The following SNAP91 variants were observed in gnomAD, a reference collection of about 807,000 sequenced individuals.
SNAP91 encodes the protein synaptosome associated protein 91, also known as clathrin coat assembly protein AP180.
Under a neutral mutation model 100.3 loss-of-function variants are expected in SNAP91, and 27 were observed. That is an observed-to-expected ratio of 0.27 (90% CI 0.20 to 0.37). The LOEUF is 0.37. Ranked by LOEUF, SNAP91 falls within the 10% of genes least tolerant of loss-of-function variation. The pLI, the probability that SNAP91 is intolerant of heterozygous loss-of-function variation, is 1.00. For synonymous variants in SNAP91, 404 were observed against 398.6 expected, an observed-to-expected ratio of 1.01 and a Z score of -0.16; for missense variants, 986 against 1,123.7, an observed-to-expected ratio of 0.88 and a Z score of 1.75.
intron 14 of SNAP91, among the ~76,000 whole-genome samples, chr6:83,602,689 C>T (rs1206071655): frequency 6.6e-6 from 1 of 152,038 alleles, no homozygotes; most frequent in East Asian, 1.9e-4. Flanking sequence ...TAGAGAATTT[C>T]TTTATTAGCA....
intron 2 of SNAP91, among the ~76,000 whole-genome samples, chr6:83,685,335 G>A (rs1197439418): frequency 1.3e-5 from 2 of 152,096 alleles, no homozygotes; most frequent in Non-Finnish European, 2.9e-5. Flanking sequence ...AGAAGTAGCA[G>A]GAACAATGCC....
chr6:83,666,311 G>A (rs1028872059), intron 2 of SNAP91, among the ~76,000 whole-genome samples: 1 of 152,084 alleles, frequency 6.6e-6, no homozygotes, highest in Non-Finnish European at 1.5e-5. Context: ...TGCTGTCAAA[G>A]AGTTAGCTGG....
chr6:83,682,532 T>C (rs1025937398), intron 2 of SNAP91, among the ~76,000 whole-genome samples: 1 of 151,968 alleles, frequency 6.6e-6, no homozygotes, highest in African/African-American at 2.4e-5. Flanking sequence ...TTATTCTTTC[T>C]ATTATACCCT....
intron 2 of SNAP91, among the ~76,000 whole-genome samples, chr6:83,685,517 TTTC>T (rs762741998): frequency 6.6e-6 from 1 of 152,226 alleles, no homozygotes; most frequent in Admixed American, 6.5e-5. Context: ...CACTGTTTAA[TTTC>T]TTCTTTAATA....
intron 7 of SNAP91, among the ~76,000 whole-genome samples, chr6:83,648,930 T>C (rs989724101): frequency 5.3e-5 from 8 of 152,228 alleles, no homozygotes; most frequent in Admixed American, 1.3e-4. Flanking sequence ...GGAGCATGAG[T>C]AATTTTGATG....
At position 83,605,721 on chromosome 6, in the gene SNAP91, G is replaced by C; in HGVS notation, c.1105C>G (p.Pro369Ala). ...GGAAAAAAPA[P>A]PPPAGGATAW... ...GTGGCTCCTCCAGCAGGTGGTGGTG[G>C]TGCTGGTGCTGCGGCTGCTGCTGCC... The change falls in exon 14 of 30, where the codon CCA becomes GCA. Residue 369 changes from proline to alanine, a missense_variant. By Grantham distance (27) the Pro-to-Ala change is conservative. Coordinates refer to ENST00000369694, the MANE Select transcript of SNAP91 (RefSeq NM_001242792.2). 8 of 1,552,244 alleles carry C rather than the reference G, an allele frequency of 5.2e-6. No homozygotes were observed. Among genetic ancestry groups the C allele is most frequent in the Non-Finnish European group, 6.1e-6 (7 of 1,147,210 alleles).
chr6:83,678,932 T>G, intron 2 of SNAP91: 2 of 1,066,178 alleles, frequency 1.9e-6, no homozygotes, highest in Non-Finnish European at 2.3e-6. Flanking sequence ...AAGAAAGAAA[T>G]AATATCTAAG....
intron 2 of SNAP91, among the ~76,000 whole-genome samples, chr6:83,687,327 G>A (rs2128958864): frequency 6.6e-6 from 1 of 152,030 alleles, no homozygotes; most frequent in South Asian, 2.1e-4. Context: ...TGTCCTTCAG[G>A]ATATAAGAAT....
intron 3 of SNAP91, 40 bp from the exon 4 acceptor site, chr6:83,662,462 T>G: frequency 2.4e-6 from 2 of 848,528 alleles, no homozygotes; most frequent in Non-Finnish European, 3.4e-6. Context: ...CATTTTAAAA[T>G]CATACTTTTA....
intron 10 of SNAP91, among the ~76,000 whole-genome samples, chr6:83,615,576 C>T (rs917009758): frequency 2.0e-5 from 3 of 152,116 alleles, no homozygotes; most frequent in Admixed American, 2.0e-4. Context: ...CATCCCCGGC[C>T]ACGCTGAGAT....
chr6:83,702,648 CAAATT>C (rs908900690), intron 2 of SNAP91, among the ~76,000 whole-genome samples: 2 of 150,928 alleles, frequency 1.3e-5, no homozygotes, highest in African/African-American at 4.9e-5. Context: ...TTTTAAAAAT[CAAATT>C]GAGTTATCAA....
chr6:83,607,894 A>G (rs1209838445), intron 12 of SNAP91, 86 bp from the exon 13 acceptor site: 2 of 601,896 alleles, frequency 3.3e-6, no homozygotes, highest in African/African-American at 3.9e-5. Context: ...TATAACCATG[A>G]CATGCCCAGC....
chr6:83,614,830 A>C (rs1239948560), intron 11 of SNAP91, 27 bp downstream of exon 11: 1 of 1,556,716 alleles, frequency 6.4e-7, no homozygotes, highest in East Asian at 2.3e-5. Flanking sequence ...TACCAAATGC[A>C]AAAAACTCAC....
At chr6:83,595,680 C>T (rs1191630228) in intron 16 of SNAP91, among the ~76,000 whole-genome samples, 1 of 152,144 alleles carries the variant, frequency 6.6e-6, no homozygotes, top group Non-Finnish European at 1.5e-5. Context: ...GCAATATCTA[C>T]TCATGTTTCC....
chr6:83,651,256 C>T (rs74890527), intron 7 of SNAP91, among the ~76,000 whole-genome samples: 1,553 of 151,970 alleles, frequency 0.01, 26 homozygotes, highest in African/African-American at 0.033. Flanking sequence ...CATTGATTTA[C>T]GCTCTAATTC....
chr6:83,620,357 CT>C, intron 9 of SNAP91, among the ~76,000 whole-genome samples: 1 of 152,292 alleles, frequency 6.6e-6, no homozygotes, highest in African/African-American at 2.4e-5. Context: ...GCAGACAAGC[CT>C]GGTAGAAAGC....
intron 28 of SNAP91, among the ~76,000 whole-genome samples, chr6:83,556,560 C>T (rs577557459): frequency 7.2e-4 from 110 of 152,238 alleles, no homozygotes; most frequent in African/African-American, 2.6e-3. Flanking sequence ...ACTTCTCTGA[C>T]ATCAGATTTA....
intron 2 of SNAP91, among the ~76,000 whole-genome samples, chr6:83,694,322 C>A (rs1299123152): frequency 6.6e-6 from 1 of 152,128 alleles, no homozygotes; most frequent in African/African-American, 2.4e-5. Context: ...TTGTCTGTCT[C>A]CCTCTGTCAG....
At chr6:83,614,957 A>C in intron 10 of SNAP91, 95 bp from the exon 11 acceptor site, 1 of 1,015,104 alleles carries the variant, frequency 9.9e-7, no homozygotes, top group Admixed American at 2.3e-5. Flanking sequence ...GCAAAAGACA[A>C]GTTCAAATGT....
Sources: gnomAD v4.1 joint callset for allele counts (sites outside exome capture counted in the v4.1 genomes callset) on GRCh38, gnomAD v4.1.1 for gene constraint, MANE v1.5 for transcripts, NCBI Gene and HGNC (gene_info 2026-07-23, HGNC 2026-07-21) for gene names.